GLIS3: variants seen among roughly 807,000 people sequenced by gnomAD.
The protein encoded by GLIS3 is zinc finger protein GLIS3.
A neutral mutation model predicts 78.6 loss-of-function variants in GLIS3; 53 were observed. The ratio of observed to expected loss-of-function variants is 0.67; its 90% CI spans 0.54 to 0.85. The LOEUF is 0.85. GLIS3 is among the 40% of genes least tolerant of loss of function. GLIS3 has a pLI of 0.00. For missense variants in GLIS3, 1,703 were observed against 1,231.1 expected, an observed-to-expected ratio of 1.38 and a Z score of -5.74; for synonymous variants, 684 against 509.9, an observed-to-expected ratio of 1.34 and a Z score of -4.60.
intron 4 of GLIS3, among the ~76,000 whole-genome samples, chr9:4,056,034 T>C (rs768994650): frequency 6.6e-6 from 1 of 152,192 alleles, no homozygotes; most frequent in Non-Finnish European, 1.5e-5. Context: ...GCGCAATTAA[T>C]ACTAGGCCCT....
At chr9:4,071,046 T>C (rs1161361745) in intron 4 of GLIS3, 1 of 152,214 alleles carries the variant, frequency 6.6e-6, no homozygotes, top group Non-Finnish European at 1.5e-5. Context: ...CTTTGACCAA[T>C]GTTATGCAAA....
At chr9:4,062,401 G>T (rs1826727439) in intron 4 of GLIS3, among the ~76,000 whole-genome samples, 1 of 152,196 alleles carries the variant, frequency 6.6e-6, no homozygotes, top group Non-Finnish European at 1.5e-5. Flanking sequence ...CCCAGTTGCT[G>T]CTACATATAA....
At chr9:4,242,134 G>A (rs1184484981) in intron 2 of GLIS3, among the ~76,000 whole-genome samples, 2 of 152,126 alleles carry the variant, frequency 1.3e-5, no homozygotes. Flanking sequence ...AGCAATAAGG[G>A]AAACCTGGCT....
intron 4 of GLIS3, among the ~76,000 whole-genome samples, chr9:4,085,220 T>C (rs2130720585): frequency 6.6e-6 from 1 of 152,212 alleles, no homozygotes; most frequent in South Asian, 2.1e-4. Flanking sequence ...TCTACTGTCA[T>C]TCCGCCTTTA....
At chr9:4,287,312 G>T (rs529000373) in intron 1 of GLIS3, among the ~76,000 whole-genome samples, 1 of 152,314 alleles carries the variant, frequency 6.6e-6, no homozygotes, top group South Asian at 2.1e-4. Context: ...ATGACATTCA[G>T]TAAATCTACC....
chr9:4,475,065 C>G, the GLIS3 span, among the ~76,000 whole-genome samples: 4 of 141,966 alleles, frequency 2.8e-5, no homozygotes, highest in East Asian at 8.2e-4. Flanking sequence ...ATGATCTCGG[C>G]TCACTGCAAA....
intron 2 of GLIS3, among the ~76,000 whole-genome samples, chr9:4,279,346 CACACACACACACACACAT>C (rs200700061): frequency 0.33 from 43,018 of 130,538 alleles, 8,135 homozygotes; most frequent in Admixed American, 0.38. Context: ...CACACACACA[CACACACACACACACACAT>C]AATACATATT....
At chr9:4,385,571 C>T in the GLIS3 span, among the ~76,000 whole-genome samples, 18 of 149,308 alleles carry the variant, frequency 1.2e-4, no homozygotes, top group African/African-American at 3.0e-4. Flanking sequence ...AGGCCGAGGC[C>T]GGAGAAATGC....
intron 8 of GLIS3, among the ~76,000 whole-genome samples, chr9:3,861,541 G>A (rs893289861): frequency 0.041 from 9 of 222 alleles, no homozygotes; most frequent in Non-Finnish European, 0.085. Flanking sequence ...CAATCCAAAT[G>A]CCCATCAAGA....
chr9:3,985,354 C>T (rs1437965589), intron 4 of GLIS3, among the ~76,000 whole-genome samples: 1 of 152,102 alleles, frequency 6.6e-6, no homozygotes, highest in East Asian at 1.9e-4. Flanking sequence ...CACCGTGTTG[C>T]CCAGGCTGGT....
intron 4 of GLIS3, among the ~76,000 whole-genome samples, chr9:3,995,116 G>C (rs1467363208): frequency 6.6e-6 from 1 of 152,030 alleles, no homozygotes; most frequent in Non-Finnish European, 1.5e-5. Context: ...AATAAACTGG[G>C]AGGAGCAAAA....
At chr9:3,867,223 T>C (rs1163224799) in intron 8 of GLIS3, among the ~76,000 whole-genome samples, 1 of 152,190 alleles carries the variant, frequency 6.6e-6, no homozygotes, top group Admixed American at 6.5e-5. Context: ...AGTTTAGCAA[T>C]GTTGTTTTGT....
chr9:4,311,137 G>A (rs557605655), intron 2 of GLIS3, among the ~76,000 whole-genome samples: 34 of 152,330 alleles, frequency 2.2e-4, no homozygotes, highest in South Asian at 6.2e-4. Context: ...GGCCAGGCGC[G>A]GTGGCTGATG....
chr9:4,094,083 A>G (rs1384296840), intron 4 of GLIS3, among the ~76,000 whole-genome samples: 1 of 152,166 alleles, frequency 6.6e-6, no homozygotes, highest in African/African-American at 2.4e-5. Flanking sequence ...ATGCTTCCCA[A>G]TCAATGGCTT....
intron 4 of GLIS3, among the ~76,000 whole-genome samples, chr9:3,980,261 C>G (rs1170718034): frequency 2.0e-5 from 3 of 152,182 alleles, no homozygotes; most frequent in African/African-American, 7.2e-5. Flanking sequence ...GACTTTAAAG[C>G]TGGCATAATT....
intron 5 of GLIS3, among the ~76,000 whole-genome samples, chr9:3,935,548 C>T (rs1825852205): frequency 6.6e-6 from 1 of 152,126 alleles, no homozygotes; most frequent in Non-Finnish European, 1.5e-5. Context: ...AGCCTCGCAA[C>T]AGTTCTTGCA....
intron 2 of GLIS3, among the ~76,000 whole-genome samples, chr9:4,192,889 G>A (rs1034324583): frequency 6.6e-6 from 1 of 152,188 alleles, no homozygotes; most frequent in African/African-American, 2.4e-5. Context: ...ACTCCAGGAA[G>A]GGAGGTCAAG....
chr9:4,330,939 T>G (rs1302503594), intron 2 of GLIS3, among the ~76,000 whole-genome samples: 2 of 152,180 alleles, frequency 1.3e-5, no homozygotes, highest in Non-Finnish European at 2.9e-5. Context: ...TCACATTAGC[T>G]GTGCTTCACT....
At chr9:4,483,551 C>T in the GLIS3 span, among the ~76,000 whole-genome samples, 1 of 151,882 alleles carries the variant, frequency 6.6e-6, no homozygotes. Flanking sequence ...AACCCCATCT[C>T]TACTAAAAAT....
Sources: gnomAD v4.1 joint callset for allele counts (sites outside exome capture counted in the v4.1 genomes callset) on GRCh38, gnomAD v4.1.1 for gene constraint, MANE v1.5 for transcripts, NCBI Gene and HGNC (gene_info 2026-07-23, HGNC 2026-07-21) for gene names.